Variants in RNF130 observed in about 807,000 individuals in gnomAD.
RNF130 encodes ring finger protein 130.
In RNF130, 21 loss-of-function variants were observed where a neutral mutation model predicts 44.6. The observed-to-expected ratio is 0.47, with a 90% confidence interval of 0.33 to 0.68. The LOEUF (loss-of-function observed/expected upper bound fraction) is 0.68. Ranked by LOEUF, RNF130 falls within the 30% of genes least tolerant of loss-of-function variation. The pLI is 0.02. For synonymous variants in RNF130, 214 were observed against 210.4 expected, an observed-to-expected ratio of 1.02 and a Z score of -0.15; for missense variants, 479 against 560.6, an observed-to-expected ratio of 0.85 and a Z score of 1.47.
chr5:180,005,722 T>G (rs1314667434), intron 3 of RNF130, among the ~76,000 whole-genome samples: 3 of 152,188 alleles, frequency 2.0e-5, no homozygotes, highest in African/African-American at 7.2e-5. Flanking sequence ...CTGTGAAGTG[T>G]CCTTGACTCC....
chr5:179,927,335 T>C (rs1761720245), intron 7 of RNF130, among the ~76,000 whole-genome samples: 1 of 124,174 alleles, frequency 8.1e-6, no homozygotes, highest in African/African-American at 2.8e-5. Context: ...ATCTTTGTTA[T>C]TGGCTACATA....
chr5:179,923,839 C>T (rs1197530179), intron 7 of RNF130, among the ~76,000 whole-genome samples: 2 of 152,216 alleles, frequency 1.3e-5, no homozygotes, highest in Non-Finnish European at 2.9e-5. Context: ...ACAACACTAA[C>T]ACCATATTGT....
intron 7 of RNF130, among the ~76,000 whole-genome samples, chr5:179,940,283 C>T (rs1211320865): frequency 6.6e-6 from 1 of 151,018 alleles, no homozygotes; most frequent in Non-Finnish European, 1.5e-5. Flanking sequence ...GGCTGGGGTG[C>T]GATCTCGGCT....
intron 1 of RNF130, among the ~76,000 whole-genome samples, chr5:180,062,499 A>C (rs1279180016): frequency 6.6e-6 from 1 of 152,212 alleles, no homozygotes; most frequent in Non-Finnish European, 1.5e-5. Flanking sequence ...GTGGGACACC[A>C]ACATTGAGAC....
At chr5:179,971,136 C>T (rs1025111347) in intron 5 of RNF130, among the ~76,000 whole-genome samples, 1 of 152,086 alleles carries the variant, frequency 6.6e-6, no homozygotes, top group Non-Finnish European at 1.5e-5. Flanking sequence ...TAGAAAGTCA[C>T]AGTCTTGTGA....
chr5:179,975,119 C>T (rs759297045), intron 5 of RNF130, among the ~76,000 whole-genome samples: 11 of 152,212 alleles, frequency 7.2e-5, no homozygotes, highest in Non-Finnish European at 1.2e-4. Context: ...GGAACAGAAC[C>T]GCTTAGCAAC....
chr5:179,966,340 C>T (rs1259203906), intron 7 of RNF130, among the ~76,000 whole-genome samples: 3 of 152,034 alleles, frequency 2.0e-5, no homozygotes, highest in Non-Finnish European at 4.4e-5. Context: ...AAATAAAGTG[C>T]GCAACAGGCT....
At chr5:179,975,040 G>A (rs574062343) in intron 5 of RNF130, among the ~76,000 whole-genome samples, 25 of 152,380 alleles carry the variant, frequency 1.6e-4, no homozygotes, top group African/African-American at 4.3e-4. Flanking sequence ...TGCCGAATGC[G>A]GAGCGCCAGC....
chr5:179,980,051 G>C, intron 4 of RNF130, 78 bp downstream of exon 4: 1 of 1,135,120 alleles, frequency 8.8e-7, no homozygotes, highest in East Asian at 2.4e-5. Flanking sequence ...TAAACAATTA[G>C]GGTGTGTCCT....
chr5:180,024,635 G>A (rs1487423021), intron 2 of RNF130, among the ~76,000 whole-genome samples: 1 of 152,252 alleles, frequency 6.6e-6, no homozygotes, highest in East Asian at 1.9e-4. Flanking sequence ...AATGTTGAGA[G>A]AATTCATCAT....
At chr5:179,989,793 T>C (rs1582167775) in intron 3 of RNF130, among the ~76,000 whole-genome samples, 1 of 152,266 alleles carries the variant, frequency 6.6e-6, no homozygotes, top group East Asian at 1.9e-4. Flanking sequence ...GTAAATTCTT[T>C]GTTTTATTTT....
chr5:179,966,996 A>G lies in RNF130; in HGVS notation c.960T>C (p.Cys320=). 6.2e-7 allele frequency: 1 copy of G among 1,612,970 alleles called. No homozygotes were observed. Among genetic ancestry groups the G allele is most frequent in the Non-Finnish European group, 8.5e-7 (1 of 1,179,510 alleles). Reference sequence around the variant, plus strand: ...CCATATCGAATGCTACGTTATCAGTACATGGCAAATTCGGCTGCAAAATAT... The same window carrying G: ...CCATATCGAATGCTACGTTATCAGTGCATGGCAAATTCGGCTGCAAAATAT... ...KALGIVPNLP[C]TDNVAFDMER... Residue 320 remains cysteine (C), a synonymous_variant, in exon 7 of 9, where the codon TGT becomes TGC. Transcript: ENST00000521389.
At chr5:180,050,629 C>T (rs1764667464) in intron 1 of RNF130, among the ~76,000 whole-genome samples, 1 of 152,216 alleles carries the variant, frequency 6.6e-6, no homozygotes, top group African/African-American at 2.4e-5. Context: ...TTCCATTTCC[C>T]TCCTCCTTAT....
chr5:179,939,891 C>T (rs1432344595), intron 7 of RNF130: 8 of 306,896 alleles, frequency 2.6e-5, no homozygotes, highest in South Asian at 1.0e-4. Flanking sequence ...CAACCTCAAA[C>T]GGATGTCAAA....
chr5:180,043,065 C>T (rs1214790009), intron 1 of RNF130, among the ~76,000 whole-genome samples: 1 of 152,210 alleles, frequency 6.6e-6, no homozygotes, highest in Non-Finnish European at 1.5e-5. Flanking sequence ...CACCTGTAAT[C>T]CCAACACTTT....
intron 1 of RNF130, among the ~76,000 whole-genome samples, chr5:180,058,712 C>T (rs1337248529): frequency 1.3e-5 from 2 of 152,008 alleles, no homozygotes; most frequent in South Asian, 2.1e-4. Flanking sequence ...CACACCACCA[C>T]GCCTGGCTAA....
chr5:179,955,156 C>A lies in RNF130; in HGVS notation c.*498G>T, dbSNP rs1664544824. On this transcript the variant is annotated 3_prime_UTR_variant, in exon 9 of 9. Transcript: ENST00000521389. ...CAGTGGGGAGCAAATGTTACAAGTC[C>A]CTGCTGCTGGGGGTGCTGCAGCTCT... 1 of 152,926 alleles carries A rather than the reference C, an allele frequency of 6.5e-6. No individual in the cohort carries two copies. The highest frequency in any genetic ancestry group is 2.4e-5 in the African/African-American group (1 of 41,460). 9.5% of individuals were successfully genotyped at this position (152,926 alleles called of 1,614,324 possible). A position where few individuals can be genotyped will look rare whatever the true frequency, so the allele number is the denominator to read the frequency against.
Position 180,013,181 on chromosome 5 carries a change from G to A in RNF130, c.573C>T (p.Ser191=). 6.2e-7 allele frequency: 1 copy of A among 1,614,112 alleles called. No homozygotes were observed. The highest frequency in any genetic ancestry group is 8.5e-7 in the Non-Finnish European group (1 of 1,180,034). Residue 191 remains serine (S), a synonymous_variant, in exon 3 of 9, where the codon AGC becomes AGT. Coordinates refer to ENST00000521389, the MANE Select transcript of RNF130 (RefSeq NM_018434.6). ...TTGACACGAAGACTAGAGAGCCACG[G>A]CTGAAGTTCTTCGGTGGCATTCGAG... ...VGTRMPPKNF[S]RGSLVFVSIS...
chr5:180,070,892 T>C (rs1392616615), intron 1 of RNF130, among the ~76,000 whole-genome samples: 1 of 152,068 alleles, frequency 6.6e-6, no homozygotes, highest in Non-Finnish European at 1.5e-5. Flanking sequence ...CCTCATAATG[T>C]GACATTTTCA....
Sources: gnomAD v4.1 joint callset for allele counts (sites outside exome capture counted in the v4.1 genomes callset) on GRCh38, gnomAD v4.1.1 for gene constraint, MANE v1.5 for transcripts, NCBI Gene and HGNC (gene_info 2026-07-23, HGNC 2026-07-21) for gene names.